OSBPL3: variants seen among roughly 807,000 people sequenced by gnomAD.
OSBPL3 encodes the protein oxysterol-binding protein-related protein 3.
Under a neutral mutation model 120.1 loss-of-function variants are expected in OSBPL3, and 65 were observed. The ratio of observed to expected loss-of-function variants is 0.54; its 90% confidence interval spans 0.44 to 0.67. The LOEUF is 0.67. Ranked by LOEUF, OSBPL3 falls within the 30% of genes least tolerant of loss-of-function variation. The probability of loss-of-function intolerance (pLI) is 0.00; values close to 1 mark genes in which losing one functional copy is unlikely to be tolerated. For missense variants in OSBPL3, 1,004 were observed against 1,082.1 expected (o/e 0.93, Z 1.01); for synonymous variants, 416 against 402.6 (o/e 1.03, Z -0.40).
Position 24,797,957 on chromosome 7 carries a change from C to T in OSBPL3, c.*2226G>A, listed in dbSNP as rs1562735917. 1 of 152,100 alleles carries T rather than the reference C, an allele frequency of 6.6e-6. No homozygotes were observed. Among genetic ancestry groups the T allele is most frequent in the South Asian group, 2.1e-4 (1 of 4,820 alleles). 9.4% of individuals were successfully genotyped at this position (152,100 alleles called of 1,614,324 possible). ...GACAGAAGGAGAAAAGAAGTCATTTCCCCCTCAAGATAGTTTTAAGCTTAT... is the reference window on the plus strand; with the variant it reads ...GACAGAAGGAGAAAAGAAGTCATTTTCCCCTCAAGATAGTTTTAAGCTTAT... On this transcript the variant is annotated 3_prime_UTR_variant, in exon 23 of 23. Coordinates refer to ENST00000313367, the MANE Select transcript of OSBPL3 (RefSeq NM_015550.4). The surrounding 1 kb of genome is among the most constrained non-coding windows in gnomAD (Gnocchi z 4.8).
At chr7:24,847,148 C>A (rs16873714) in intron 12 of OSBPL3, among the ~76,000 whole-genome samples, 25,630 of 151,804 alleles carry the variant, frequency 0.17, 2,654 homozygotes, top group East Asian at 0.36. Context: ...CTTGGGCTGA[C>A]CCCATTGGTG....
In OSBPL3 at chr7:24,799,451, A is replaced by C. The variant is rs577174995; in HGVS notation, c.*732T>G. ...ACTGTCTCTCTGGGATGCTATTGTG[A>C]TATTTAATTAATTGGAATTCTTTTC... On this transcript the variant is annotated 3_prime_UTR_variant, in exon 23 of 23. Transcript: ENST00000313367. This position sits in a 1 kb window ranked among gnomAD's most constrained non-coding sequence, Gnocchi z 5.3. 9 of 152,174 alleles carry C rather than the reference A, an allele frequency of 5.9e-5. No homozygotes were observed. The highest frequency in any genetic ancestry group is 1.3e-4 in the Non-Finnish European group (9 of 68,038). 9.4% of individuals were successfully genotyped at this position (152,174 alleles called of 1,614,324 possible).
chr7:24,950,984 T>A (rs534872547), intron 1 of OSBPL3, among the ~76,000 whole-genome samples: 49 of 152,248 alleles, frequency 3.2e-4, no homozygotes, highest in African/African-American at 1.1e-3. Context: ...GCCTTAAATC[T>A]GAATGAATGG....
chr7:24,853,715 A>T (rs1217839865), intron 10 of OSBPL3, among the ~76,000 whole-genome samples: 4 of 152,206 alleles, frequency 2.6e-5, no homozygotes, highest in South Asian at 2.1e-4. Flanking sequence ...GAACAACACG[A>T]GGTATGAATT....
At chr7:24,893,962 G>A (rs1487733851) in intron 1 of OSBPL3, among the ~76,000 whole-genome samples, 2 of 151,892 alleles carry the variant, frequency 1.3e-5, no homozygotes, top group African/African-American at 4.8e-5. Flanking sequence ...TTCCTAAGCA[G>A]GTTAACAACA....
rs918598538 is a variant in OSBPL3, at chr7:24,867,025, C to T, written c.382-788G>A. ...CCATGTTGGCCAGGCTGGTCTCGAA[C>T]TCCTGACCTGGTGATCTGCCCGCCT... On this transcript the variant is annotated intron_variant, in intron 5 of 22. Coordinates refer to ENST00000313367, the MANE Select transcript of OSBPL3 (RefSeq NM_015550.4). This position sits in a 1 kb window ranked among gnomAD's most constrained non-coding sequence, Gnocchi z 4.5. 3.9e-5 allele frequency among the ~76,000 whole-genome samples: 6 copies of T among 152,288 alleles called. No individual in the cohort carries two copies. In the South Asian group the frequency reaches 1.2e-3, roughly 32 times the overall value.
intron 1 of OSBPL3, among the ~76,000 whole-genome samples, chr7:24,970,359 G>T (rs952033581): frequency 6.6e-6 from 1 of 152,070 alleles, no homozygotes; most frequent in African/African-American, 2.4e-5. Context: ...GCCTGCCTCA[G>T]TCTCTCAAAG....
rs1796387727 is a variant in OSBPL3, at chr7:24,831,740, C to T, written c.1747-835G>A. Among the ~76,000 whole-genome samples the T allele has an allele frequency of 2.0e-5, 3 of 152,172 alleles. No individual in the cohort carries two copies. In the South Asian group the frequency reaches 6.2e-4, roughly 32 times the overall value. On this transcript the variant is annotated intron_variant, in intron 15 of 22. Coordinates refer to ENST00000313367, the MANE Select transcript of OSBPL3 (RefSeq NM_015550.4). This position sits in a 1 kb window ranked among gnomAD's most constrained non-coding sequence, Gnocchi z 4.0. ...GTAACAATCTCAAGATTTCTTCTTC[C>T]CAGCACATTTCGTGCAGTTTCTTAT...
intron 1 of OSBPL3, among the ~76,000 whole-genome samples, chr7:24,917,413 T>TTTGTAAC (rs1284540935): frequency 1.3e-4 from 18 of 141,068 alleles, no homozygotes; most frequent in African/African-American, 4.8e-4. Context: ...TATATATATA[T>TTTGTAAC]ATATATATAT....
At chr7:24,905,597 T>A (rs753395476) in intron 1 of OSBPL3, among the ~76,000 whole-genome samples, 1 of 152,142 alleles carries the variant, frequency 6.6e-6, no homozygotes, top group African/African-American at 2.4e-5. Flanking sequence ...GAGTCCATGA[T>A]TGAAGTGGAA....
intron 5 of OSBPL3, among the ~76,000 whole-genome samples, chr7:24,868,547 A>G (rs1411300524): frequency 1.3e-5 from 2 of 152,124 alleles, no homozygotes; most frequent in African/African-American, 4.8e-5. Context: ...AATCTTTACT[A>G]ATGCCAGAGA....
chr7:24,852,672 G>T lies in OSBPL3; in HGVS notation c.1028-38C>A. 4 of 1,393,788 alleles carry T rather than the reference G, an allele frequency of 2.9e-6. No individual in the cohort carries two copies. Among genetic ancestry groups the T allele is most frequent in the Non-Finnish European group, 3.9e-6 (4 of 1,037,040 alleles). The allele number at this position is 1,393,788 out of a possible 1,614,324, so 86.3% of individuals were successfully genotyped here. The stretch of plus-strand genomic sequence containing the variant: ...AATCATTATAAAAAGGAATAAGGAG[G>T]CATAATTAAAAACAAAATACAGAAA... On this transcript the variant is annotated intron_variant, in intron 10 of 22. Coordinates refer to ENST00000313367, the MANE Select transcript of OSBPL3 (RefSeq NM_015550.4). The surrounding 1 kb of genome is among the most constrained non-coding windows in gnomAD (Gnocchi z 4.1).
At position 24,946,048 on chromosome 7, in the gene OSBPL3, G is replaced by A. The variant is rs1164774704; in HGVS notation, c.-150+33838C>T. On this transcript the variant is annotated intron_variant, in intron 1 of 22. Transcript: ENST00000313367. This position sits in a 1 kb window ranked among gnomAD's most constrained non-coding sequence, Gnocchi z 4.3. ...AGATGCCAGGTGGGGCTGGAGCTAG[G>A]TGGGGCTAGAGTCATCTGAAGGCTC... Among the ~76,000 whole-genome samples, 1 of 152,180 alleles carries A rather than the reference G, an allele frequency of 6.6e-6. No homozygotes were observed. Among genetic ancestry groups the A allele is most frequent in the Non-Finnish European group, 1.5e-5 (1 of 68,034 alleles).
intron 2 of OSBPL3, among the ~76,000 whole-genome samples, chr7:24,874,349 G>A (rs1802567297): frequency 6.6e-6 from 1 of 152,076 alleles, no homozygotes; most frequent in African/African-American, 2.4e-5. Context: ...AGACTCCCAG[G>A]CAGAAGCAAC....
At chr7:24,927,491 G>C (rs973460090) in intron 1 of OSBPL3, among the ~76,000 whole-genome samples, 4 of 152,186 alleles carry the variant, frequency 2.6e-5, no homozygotes, top group African/African-American at 9.7e-5. Flanking sequence ...AGTTATGCTA[G>C]TAAAATTTTG....
Position 24,898,495 on chromosome 7 carries a change from A to G in OSBPL3, c.-149-5874T>C, listed in dbSNP as rs1163971872. Among the ~76,000 whole-genome samples the G allele has an allele frequency of 6.6e-6, 1 of 152,186 alleles. No homozygotes were observed. Among genetic ancestry groups the G allele is most frequent in the Non-Finnish European group, 1.5e-5 (1 of 68,028 alleles). On this transcript the variant is annotated intron_variant, in intron 1 of 22. Coordinates refer to ENST00000313367, the MANE Select transcript of OSBPL3 (RefSeq NM_015550.4). The surrounding 1 kb of genome is among the most constrained non-coding windows in gnomAD (Gnocchi z 4.3). ...TGGCAAGACAGGAGTCAAGAGGCCT[A>G]AAGACTCAAATGCTTACTCTGGCAC...
At position 24,851,455 on chromosome 7, in the gene OSBPL3, T is replaced by G. The variant is rs1445702856; in HGVS notation, c.1158+1049A>C. On this transcript the variant is annotated intron_variant, in intron 11 of 22. Coordinates refer to ENST00000313367, the MANE Select transcript of OSBPL3 (RefSeq NM_015550.4). This position sits in a 1 kb window ranked among gnomAD's most constrained non-coding sequence, Gnocchi z 4.1. ...AGAGGATTTATCACTAACATTATATTAAGAGCATCACTTTTCTTGGCAATA... is the reference window on the plus strand; with the variant it reads ...AGAGGATTTATCACTAACATTATATGAAGAGCATCACTTTTCTTGGCAATA... Among the ~76,000 whole-genome samples, 1 of 152,208 alleles carries G rather than the reference T, an allele frequency of 6.6e-6. No individual in the cohort carries two copies. Among genetic ancestry groups the G allele is most frequent in the Non-Finnish European group, 1.5e-5 (1 of 68,034 alleles).
chr7:24,845,656 T>TAAA (rs199729370), intron 12 of OSBPL3, among the ~76,000 whole-genome samples: 1 of 137,214 alleles, frequency 7.3e-6, no homozygotes, highest in Admixed American at 7.3e-5. Context: ...CACTTTTTCC[T>TAAA]AAAAAAAAAA....
In OSBPL3 at chr7:24,816,609, C is replaced by T; in HGVS notation, c.2027+1G>A. 6.2e-7 allele frequency: 1 copy of T among 1,607,774 alleles called. No homozygotes were observed. The highest frequency in any genetic ancestry group is 8.5e-7 in the Non-Finnish European group (1 of 1,174,228). On this transcript the variant is annotated splice_donor_variant, in intron 18 of 22. Transcript: ENST00000313367. LOFTEE classifies it high-confidence loss of function. ...TCCTTAACCACAGAAGAAGAACTTA[C>T]ACTGGCAGAGTCACATGGGTTGTGC... is the stretch of plus-strand genomic sequence containing the variant.
Sources: gnomAD v4.1 joint callset for allele counts (sites outside exome capture counted in the v4.1 genomes callset) on GRCh38, gnomAD v4.1.1 for gene constraint, Gnocchi (gnomAD v3.1) non-coding constraint, MANE v1.5 for transcripts, NCBI Gene and HGNC (gene_info 2026-07-23, HGNC 2026-07-21) for gene names.